GPC6: variants seen among roughly 807,000 people sequenced by gnomAD.
GPC6 encodes the protein glypican 6.
In GPC6, 14 loss-of-function variants were observed where a neutral mutation model predicts 55.2. The observed-to-expected ratio is 0.25, with a 90% CI of 0.17 to 0.40. The LOEUF (loss-of-function observed/expected upper bound fraction) is 0.40. Ranked by LOEUF, GPC6 falls within the 10% of genes least tolerant of loss-of-function variation. The probability of loss-of-function intolerance (pLI) is 1.00; values close to 1 mark genes in which losing one functional copy is unlikely to be tolerated. For missense variants in GPC6, 641 were observed against 708.5 expected, an observed-to-expected ratio of 0.90 and a Z score of 1.08; for synonymous variants, 278 against 259.6, an observed-to-expected ratio of 1.07 and a Z score of -0.68.
At chr13:93,935,792 A>G (rs1878408588) in intron 3 of GPC6, among the ~76,000 whole-genome samples, 1 of 152,156 alleles carries the variant, frequency 6.6e-6, no homozygotes, top group Non-Finnish European at 1.5e-5. Context: ...GACATTTCAT[A>G]CCCCTCAGGC....
At chr13:93,579,944 A>G (rs1876857383) in intron 2 of GPC6, among the ~76,000 whole-genome samples, 1 of 152,134 alleles carries the variant, frequency 6.6e-6, no homozygotes, top group Non-Finnish European at 1.5e-5. Context: ...AAAAGTGCCC[A>G]TTTTCTTAGG....
chr13:94,022,346 C>A (rs1882728812), intron 3 of GPC6, among the ~76,000 whole-genome samples: 1 of 151,912 alleles, frequency 6.6e-6, no homozygotes, highest in Admixed American at 6.6e-5. Context: ...CAATATTTTT[C>A]TTTCTGTGTC....
chr13:93,345,848 A>G (rs1880410367), intron 1 of GPC6, among the ~76,000 whole-genome samples: 1 of 152,216 alleles, frequency 6.6e-6, no homozygotes, highest in African/African-American at 2.4e-5. Flanking sequence ...TAAAGAATAA[A>G]AAGCTTACTG....
chr13:93,640,077 T>C (rs1485943157), intron 2 of GPC6, among the ~76,000 whole-genome samples: 1 of 152,116 alleles, frequency 6.6e-6, no homozygotes, highest in East Asian at 1.9e-4. Context: ...AATAAGCATA[T>C]TTATCAAAAT....
intron 1 of GPC6, among the ~76,000 whole-genome samples, chr13:93,494,352 C>G (rs1349986715): frequency 6.9e-6 from 1 of 144,040 alleles, no homozygotes; most frequent in Non-Finnish European, 1.5e-5. Context: ...CAACCCCTGC[C>G]TTTTTTTGTT....
intron 1 of GPC6, among the ~76,000 whole-genome samples, chr13:93,471,851 G>A (rs1879132724): frequency 6.6e-6 from 1 of 152,160 alleles, no homozygotes; most frequent in African/African-American, 2.4e-5. Flanking sequence ...ATATTCTGCT[G>A]TTGTTGGGCA....
chr13:94,088,921 A>G (rs1885384377), intron 4 of GPC6, among the ~76,000 whole-genome samples: 1 of 152,136 alleles, frequency 6.6e-6, no homozygotes, highest in South Asian at 2.1e-4. Context: ...TAAAATCTCT[A>G]TCTGACATAT....
chr13:94,250,231 C>G (rs556022917), intron 4 of GPC6, among the ~76,000 whole-genome samples: 2 of 152,230 alleles, frequency 1.3e-5, no homozygotes, highest in South Asian at 4.1e-4. Flanking sequence ...ATTGTAAACA[C>G]AAGGCAGATT....
At position 93,741,001 on chromosome 13, in the gene GPC6, A is replaced by C. The variant is rs181152270; in HGVS notation, c.320-89153A>C. Reference sequence around the variant, plus strand: ...TTTATATGTTTGCAATTAGAAAAACATGATGCTATTGATTTTATAATTATT... The same window carrying C: ...TTTATATGTTTGCAATTAGAAAAACCTGATGCTATTGATTTTATAATTATT... On this transcript the variant is annotated intron_variant, in intron 2 of 8. Coordinates refer to ENST00000377047, the MANE Select transcript of GPC6 (RefSeq NM_005708.5). Among the ~76,000 whole-genome samples the C allele has an allele frequency of 9.9e-5, 15 of 152,230 alleles. No homozygotes were observed. The East Asian group carries it at 2.9e-3, about 29-fold the overall frequency.
In GPC6 at chr13:93,242,171, G is replaced by A. The variant is rs554601104; in HGVS notation, c.160+14555G>A. On this transcript the variant is annotated intron_variant, in intron 1 of 8. Coordinates refer to ENST00000377047, the MANE Select transcript of GPC6 (RefSeq NM_005708.5). ...GTAAGAATTGGCTGTGGCTAAGGTAGGTGGGTATATGCAATACCACAATGG... is the reference window on the plus strand; with the variant it reads ...GTAAGAATTGGCTGTGGCTAAGGTAAGTGGGTATATGCAATACCACAATGG... Among the ~76,000 whole-genome samples, 11 of 152,256 alleles carry A rather than the reference G, an allele frequency of 7.2e-5. No homozygotes were observed. The South Asian group carries it at 8.3e-4, about 11-fold the overall frequency.
chr13:94,195,774 C>A (rs1350216049), intron 4 of GPC6, among the ~76,000 whole-genome samples: 1 of 152,202 alleles, frequency 6.6e-6, no homozygotes, highest in East Asian at 1.9e-4. Flanking sequence ...TCAATTCAGA[C>A]ATTTCTCACG....
At chr13:94,091,395 T>C (rs541752614) in intron 4 of GPC6, among the ~76,000 whole-genome samples, 2 of 152,288 alleles carry the variant, frequency 1.3e-5, no homozygotes, top group South Asian at 4.1e-4. Context: ...TCTTCTTAAA[T>C]GACTTTAGCT....
At chr13:94,249,927 C>CGAGATGTCTGCCATGCGGACAG (rs1891300990) in intron 4 of GPC6, among the ~76,000 whole-genome samples, 2 of 152,104 alleles carry the variant, frequency 1.3e-5, no homozygotes. Flanking sequence ...GTGATAAATT[C>CGAGATGTCTGCCATGCGGACAG]GAGATGTCTG....
chr13:93,357,567 C>T (rs67896403), intron 1 of GPC6, among the ~76,000 whole-genome samples: 10,493 of 152,090 alleles, frequency 0.069, 443 homozygotes, highest in East Asian at 0.12. Flanking sequence ...AATAATTGGC[C>T]GGGTATGGTG....
intron 1 of GPC6, among the ~76,000 whole-genome samples, chr13:93,409,363 GTACT>G (rs1876411153): frequency 1.3e-5 from 2 of 152,056 alleles, no homozygotes; most frequent in African/African-American, 4.8e-5. Flanking sequence ...AAAGAAAATA[GTACT>G]TACTTTTGAT....
intron 4 of GPC6, among the ~76,000 whole-genome samples, chr13:94,232,168 T>G (rs1424100011): frequency 6.6e-6 from 1 of 152,246 alleles, no homozygotes; most frequent in East Asian, 1.9e-4. Context: ...TCTCATGTAC[T>G]GACTAACCCA....
chr13:93,679,799 G>T (rs1357116354), intron 2 of GPC6, among the ~76,000 whole-genome samples: 6 of 149,802 alleles, frequency 4.0e-5, no homozygotes, highest in African/African-American at 1.5e-4. Flanking sequence ...TGTTCACCAA[G>T]TATAATTTAT....
chr13:93,911,689 G>T (rs562441939), intron 3 of GPC6, among the ~76,000 whole-genome samples: 1 of 152,228 alleles, frequency 6.6e-6, no homozygotes, highest in African/African-American at 2.4e-5. Context: ...TTTGACCTTG[G>T]GCGTATTGCT....
intron 2 of GPC6, among the ~76,000 whole-genome samples, chr13:93,635,088 C>T (rs1879637022): frequency 6.6e-6 from 1 of 151,712 alleles, no homozygotes; most frequent in African/African-American, 2.4e-5. Flanking sequence ...ATTTTAAAAA[C>T]GTATTGGGTT....
Sources: allele counts gnomAD v4.1 joint callset (sites outside exome capture counted in the v4.1 genomes callset), GRCh38; gene constraint gnomAD v4.1.1; transcripts MANE v1.5; gene names NCBI Gene and HGNC (gene_info 2026-07-23, HGNC 2026-07-21).